PDE4D: variants seen among roughly 807,000 people sequenced by gnomAD.
The protein encoded by PDE4D is phosphodiesterase 4D.
In PDE4D, 24 loss-of-function variants were observed where a neutral mutation model predicts 87.4. That is an observed-to-expected ratio of 0.27 (90% CI 0.20 to 0.39). The LOEUF is 0.39. Ranked by LOEUF, PDE4D falls within the 10% of genes least tolerant of loss-of-function variation. The pLI is 1.00. For missense variants in PDE4D, 714 were observed against 1,041.0 expected (o/e 0.69, Z 4.32); for synonymous variants, 384 against 383.2 (o/e 1.00, Z -0.02).
intron 1 of PDE4D, among the ~76,000 whole-genome samples, chr5:59,500,662 C>T (rs1258162405): frequency 3.3e-5 from 5 of 152,176 alleles, no homozygotes; most frequent in Non-Finnish European, 1.5e-5. Context: ...TCCTATGTCA[C>T]TACGTGGGCA....
chr5:59,429,665 T>C (rs1428352870), intron 1 of PDE4D, among the ~76,000 whole-genome samples: 3 of 152,182 alleles, frequency 2.0e-5, no homozygotes, highest in Non-Finnish European at 4.4e-5. Context: ...TCATTGTTAA[T>C]TGCTGAAGAA....
chr5:59,528,899 C>T (rs1296483088), intron 1 of PDE4D: 2 of 346,290 alleles, frequency 5.8e-6, no homozygotes, highest in Middle Eastern at 6.6e-4. Context: ...CACCTGGCCA[C>T]TCTGCCCTTG....
At position 59,642,592 on chromosome 5, in the gene PDE4D, C is replaced by T. The variant is rs148040957; in HGVS notation, c.455+250576G>A. Reference sequence around the variant, plus strand: ...TTGCATCTTCCTCATTTTTTCTTGCCGCCACCATGTAAGAAGTGTCTTTCA... The same window carrying T: ...TTGCATCTTCCTCATTTTTTCTTGCTGCCACCATGTAAGAAGTGTCTTTCA... On this transcript the variant is annotated intron_variant, in intron 1 of 14. Coordinates refer to ENST00000340635, the MANE Select transcript of PDE4D (RefSeq NM_001104631.2). Among the ~76,000 whole-genome samples the T allele has an allele frequency of 1.4e-4, 21 of 152,194 alleles. 2 individuals are homozygous for T. Among genetic ancestry groups the T allele is most frequent in the Admixed American group, 6.5e-4 (10 of 15,274 alleles).
intron 1 of PDE4D, among the ~76,000 whole-genome samples, chr5:59,238,175 C>A (rs1056394123): frequency 2.6e-5 from 4 of 152,094 alleles, no homozygotes; most frequent in Non-Finnish European, 5.9e-5. Context: ...GGAGAACATG[C>A]CATTTAGAAT....
intron 1 of PDE4D, among the ~76,000 whole-genome samples, chr5:59,511,410 T>C (rs1054955205): frequency 2.0e-5 from 3 of 151,948 alleles, no homozygotes; most frequent in Non-Finnish European, 4.4e-5. Context: ...CCAGTCAACA[T>C]TGGGAAGGAA....
intron 2 of PDE4D, among the ~76,000 whole-genome samples, chr5:60,013,837 C>G (rs1020400378): frequency 1.3e-5 from 2 of 151,226 alleles, no homozygotes; most frequent in African/African-American, 2.4e-5. Context: ...TTTAAAACAC[C>G]TTCCCTTGGA....
chr5:59,715,900 G>A (rs1244854397), intron 1 of PDE4D, among the ~76,000 whole-genome samples: 1 of 152,162 alleles, frequency 6.6e-6, no homozygotes, highest in Admixed American at 6.5e-5. Context: ...CTGGGTCTGG[G>A]GTTCCACCCT....
chr5:59,995,477 C>T (rs1487574326), intron 2 of PDE4D, among the ~76,000 whole-genome samples: 1 of 152,022 alleles, frequency 6.6e-6, no homozygotes, highest in Non-Finnish European at 1.5e-5. Context: ...TGCCACCACA[C>T]CCAGCTAATT....
chr5:59,033,021 A>C (rs1757857518), intron 6 of PDE4D, among the ~76,000 whole-genome samples: 1 of 152,226 alleles, frequency 6.6e-6, no homozygotes, highest in Non-Finnish European at 1.5e-5. Context: ...TGCCTACTCC[A>C]GGCCAGGGAG....
At chr5:60,150,978 T>C (rs903473991) in intron 2 of PDE4D, among the ~76,000 whole-genome samples, 3 of 152,154 alleles carry the variant, frequency 2.0e-5, no homozygotes, top group Admixed American at 6.5e-5. Context: ...TTGACAAAAA[T>C]AGAACCTATG....
chr5:59,246,956 G>A (rs756875947), intron 1 of PDE4D, among the ~76,000 whole-genome samples: 4 of 152,096 alleles, frequency 2.6e-5, no homozygotes, highest in Non-Finnish European at 4.4e-5. Context: ...TTTATAGAAT[G>A]AGAATGAACT....
At chr5:59,429,755 C>A (rs1374513626) in intron 1 of PDE4D, among the ~76,000 whole-genome samples, 1 of 152,222 alleles carries the variant, frequency 6.6e-6, no homozygotes, top group East Asian at 1.9e-4. Context: ...TCTGATACTA[C>A]ATAAAAAGGG....
intron 6 of PDE4D, among the ~76,000 whole-genome samples, chr5:59,002,555 G>C (rs549662576): frequency 6.6e-6 from 1 of 152,162 alleles, no homozygotes; most frequent in Admixed American, 6.5e-5. Context: ...TTCACAGACA[G>C]TGAAGAGAGA....
At chr5:59,426,603 C>T (rs972988724) in intron 1 of PDE4D, among the ~76,000 whole-genome samples, 7 of 152,074 alleles carry the variant, frequency 4.6e-5, no homozygotes, top group African/African-American at 1.4e-4. Flanking sequence ...CCTACCACCC[C>T]ACCCTGCCCC....
chr5:60,278,392 T>C (rs1215730529), intron 1 of PDE4D, among the ~76,000 whole-genome samples: 1 of 152,186 alleles, frequency 6.6e-6, no homozygotes, highest in Admixed American at 6.5e-5. Flanking sequence ...ATGAATTTCT[T>C]TGGGTTTATC....
intron 1 of PDE4D, among the ~76,000 whole-genome samples, chr5:59,295,184 C>A (rs982003956): frequency 6.6e-6 from 1 of 152,070 alleles, no homozygotes; most frequent in Non-Finnish European, 1.5e-5. Context: ...TCTATAAATG[C>A]CATTGTTTAA....
At chr5:60,018,413 A>G (rs1000609566) in intron 2 of PDE4D, among the ~76,000 whole-genome samples, 5 of 152,222 alleles carry the variant, frequency 3.3e-5, no homozygotes, top group Non-Finnish European at 7.3e-5. Context: ...CAAGGACACT[A>G]TATAGCAACT....
chr5:59,801,501 A>G (rs562207865), intron 1 of PDE4D, among the ~76,000 whole-genome samples: 13 of 152,282 alleles, frequency 8.5e-5, no homozygotes, highest in Middle Eastern at 3.4e-3. Flanking sequence ...TTCTTTTTAC[A>G]AGATTAGTGA....
chr5:60,283,096 GA>G (rs1289904727), intron 1 of PDE4D, among the ~76,000 whole-genome samples: 1 of 152,146 alleles, frequency 6.6e-6, no homozygotes, highest in African/African-American at 2.4e-5. Context: ...CAATTACTGA[GA>G]GGGGTGGTAA....
Sources: allele counts gnomAD v4.1 joint callset (sites outside exome capture counted in the v4.1 genomes callset), GRCh38; gene constraint gnomAD v4.1.1; transcripts MANE v1.5; gene names NCBI Gene and HGNC (gene_info 2026-07-23, HGNC 2026-07-21).